The following PAK4 variants were observed in gnomAD, a reference collection of about 807,000 sequenced individuals.
PAK4 encodes the protein p21 (RAC1) activated kinase 4, also known as serine/threonine-protein kinase PAK 4.
A neutral mutation model predicts 53.5 loss-of-function variants in PAK4; 49 were observed. The observed-to-expected ratio is 0.92, with a 90% confidence interval of 0.73 to 1.16. The LOEUF is 1.16. PAK4 is among the 50% of genes most tolerant of loss of function. PAK4 has a pLI of 0.00. For synonymous variants in PAK4, 376 were observed against 375.6 expected (o/e 1.00, Z -0.01); for missense variants, 824 against 850.7 (o/e 0.97, Z 0.39).
At position 39,135,324 on chromosome 19, in the gene PAK4, C is replaced by CTTTTTT. The variant is rs559171888; in HGVS notation, c.-23+9429_-23+9434dup. The stretch of plus-strand genomic sequence containing the variant: ...TGTGGACAGGAGTCAAGTGCTTATT[C>CTTTTTT]TTTTTTTTTTTTTTTTTTTTTTTTT... On this transcript the variant is annotated intron_variant, in intron 1 of 8. Coordinates refer to ENST00000358301, the Ensembl canonical transcript of PAK4. 2.1e-3 allele frequency: 182 copies of CTTTTTT among 88,368 alleles called. 1 individual carries two copies. Among genetic ancestry groups the CTTTTTT allele is most frequent in the African/African-American group, 2.3e-3 (48 of 20,436 alleles). The allele number at this position is 88,368 out of a possible 1,614,324, so 5.5% of individuals were successfully genotyped here. A position where few individuals can be genotyped will look rare whatever the true frequency, so the allele number is the denominator to read the frequency against.
chr19:39,157,949 C>T (rs992891841), intron 1 of PAK4, among the ~76,000 whole-genome samples: 9 of 152,268 alleles, frequency 5.9e-5, no homozygotes, highest in East Asian at 5.8e-4. Context: ...GTGTCAGCTG[C>T]GGACATCTTG....
Position 39,178,536 on chromosome 19 carries a change from C to CT in PAK4, c.1734dup (p.Ala579CysfsTer60). On this transcript the variant is annotated frameshift_variant, in exon 9 of 9. Coordinates refer to ENST00000358301, the Ensembl canonical transcript of PAK4. LOFTEE classifies it high-confidence loss of function. This position sits in a 1 kb window ranked among gnomAD's most constrained non-coding sequence, Gnocchi z 4.4. ...CCATTCCTGGCCAAGGCAGGGCCGC[C>CT]TGCCAGCATCGTGCCCCTCATGCGC... 6.2e-7 allele frequency: 1 copy of CT among 1,610,794 alleles called. No individual in the cohort carries two copies. Among genetic ancestry groups the CT allele is most frequent in the Non-Finnish European group, 8.5e-7 (1 of 1,178,938 alleles).
Position 39,175,437 on chromosome 19 carries a change from G to C in PAK4, c.1358G>C (p.Arg453Thr). The C allele has an allele frequency of 6.2e-7, 1 of 1,610,554 alleles. No homozygotes were observed. Among genetic ancestry groups the C allele is most frequent in the Non-Finnish European group, 8.5e-7 (1 of 1,178,726 alleles). The change falls in exon 6 of 9, where the codon AGG becomes ACG. Residue 453 changes from arginine to threonine, a missense_variant and splice_region_variant. Physicochemically the swap from Arg to Thr is moderately conservative, Grantham distance 71 (BLOSUM62 -1). This residue lies in a region of PAK4 where 346 missense variants were observed against 415.0 expected (regional missense o/e 0.83). Coordinates refer to ENST00000358301, the Ensembl canonical transcript of PAK4. The surrounding 1 kb of genome is among the most constrained non-coding windows in gnomAD (Gnocchi z 4.7). Reference sequence around the variant, plus strand: ...TCGATCCTGCTGACCCATGATGGCAGGGTGAGGGGACGGGCGGCGGGGTAC... The same window carrying C: ...TCGATCCTGCTGACCCATGATGGCACGGTGAGGGGACGGGCGGCGGGGTAC...
chr19:39,173,907 C>T lies in PAK4; in HGVS notation c.995C>T (p.Thr332Met), dbSNP rs1009820145. Residue 332 changes from threonine (T) to methionine (M), a missense_variant, in exon 4 of 9, where the codon ACG becomes ATG. Thr to Met is a moderately conservative substitution (Grantham distance 81). Around this residue, in one of 2 missense-constraint regions of PAK4, gnomAD observed 346 missense variants for 415.0 expected, o/e 0.83. Coordinates refer to ENST00000358301, the Ensembl canonical transcript of PAK4. This position sits in a 1 kb window ranked among gnomAD's most constrained non-coding sequence, Gnocchi z 6.9. ...TTCATCAAGATTGGCGAGGGCTCCA[C>T]GGGCATCGTGTGCATCGCCACCGTG... is the stretch of plus-strand genomic sequence containing the variant. 1 of 1,612,148 alleles carries T rather than the reference C, an allele frequency of 6.2e-7. No homozygotes were observed. Among genetic ancestry groups the T allele is most frequent in the Non-Finnish European group, 8.5e-7 (1 of 1,179,640 alleles).
intron 1 of PAK4, among the ~76,000 whole-genome samples, chr19:39,144,854 C>G (rs868220395): frequency 6.6e-6 from 1 of 152,092 alleles, no homozygotes; most frequent in Non-Finnish European, 1.5e-5. Flanking sequence ...CAGGCACATG[C>G]AAATACAGAG....
chr19:39,139,700 C>CTGGAATGG (rs2073879294), intron 1 of PAK4, among the ~76,000 whole-genome samples: 1 of 152,172 alleles, frequency 6.6e-6, no homozygotes, highest in Admixed American at 6.5e-5. Flanking sequence ...CATCCTCCTG[C>CTGGAATGG]CCACTCCCCA....
exon 7 of PAK4, chr19:39,176,617 G>A (rs1244064390): frequency 3.1e-6 from 5 of 1,613,730 alleles, no homozygotes; most frequent in South Asian, 1.1e-5. Context: ...TGGGTTCTGC[G>A]CCCAGGTGAG....
intron 1 of PAK4, among the ~76,000 whole-genome samples, chr19:39,154,089 C>G (rs2074136987): frequency 6.6e-6 from 1 of 152,116 alleles, no homozygotes; most frequent in African/African-American, 2.4e-5. Context: ...CATTCATTCT[C>G]CCTATCATGT....
rs900163548 is a variant in PAK4, at chr19:39,178,198, C to G, written c.1621-226C>G. Among the ~76,000 whole-genome samples, 6 of 152,106 alleles carry G rather than the reference C, an allele frequency of 3.9e-5. No homozygotes were observed. The highest frequency in any genetic ancestry group is 3.9e-4 in the Admixed American group (6 of 15,274). ...ATGGAAATAGGGAGTACATGAGCCC[C>G]CAGGGTTTGTCACTTCCTCTGGGGC... On this transcript the variant is annotated intron_variant, in intron 8 of 8. Coordinates refer to ENST00000358301, the Ensembl canonical transcript of PAK4. The surrounding 1 kb of genome is among the most constrained non-coding windows in gnomAD (Gnocchi z 4.4).
At chr19:39,157,340 C>G (rs2074202722) in intron 1 of PAK4, among the ~76,000 whole-genome samples, 1 of 152,110 alleles carries the variant, frequency 6.6e-6, no homozygotes, top group Admixed American at 6.5e-5. Flanking sequence ...TGTGTGTATA[C>G]ACACGTGTCC....
intron 1 of PAK4, among the ~76,000 whole-genome samples, chr19:39,145,633 A>T (rs991169426): frequency 2.0e-5 from 3 of 152,124 alleles, no homozygotes; most frequent in African/African-American, 7.2e-5. Flanking sequence ...TACAGCCGTG[A>T]TGTGAAGGGG....
At chr19:39,164,372 G>A (rs1013339725) in intron 1 of PAK4, among the ~76,000 whole-genome samples, 2 of 152,212 alleles carry the variant, frequency 1.3e-5, no homozygotes, top group Admixed American at 6.5e-5. Flanking sequence ...AGAGACAGGT[G>A]TAGAGGGCGA....
intron 7 of PAK4, among the ~76,000 whole-genome samples, chr19:39,177,245 G>T (rs2074624275): frequency 6.6e-6 from 1 of 152,210 alleles, no homozygotes; most frequent in Non-Finnish European, 1.5e-5. Context: ...GCAGCTCTGG[G>T]AAGTGTCTCC....
At chr19:39,129,649 G>C (rs2073663421) in intron 1 of PAK4, among the ~76,000 whole-genome samples, 1 of 112,310 alleles carries the variant, frequency 8.9e-6, no homozygotes, top group East Asian at 2.9e-4. Context: ...CAGGCTGTTT[G>C]GAAACAGATG....
chr19:39,148,335 C>G (rs1411372425), intron 1 of PAK4, among the ~76,000 whole-genome samples: 1 of 151,802 alleles, frequency 6.6e-6, no homozygotes, highest in African/African-American at 2.4e-5. Context: ...TCTTTTAATA[C>G]TTTTCATACG....
intron 1 of PAK4, among the ~76,000 whole-genome samples, chr19:39,135,789 C>CCCCCG (rs1405565862): frequency 6.6e-6 from 1 of 151,694 alleles, no homozygotes; most frequent in Non-Finnish European, 1.5e-5. Context: ...GCTCCCGGCC[C>CCCCCG]CCATCTTCCC....
chr19:39,178,447 C>T lies in PAK4; in HGVS notation c.1644C>T (p.Phe548=), dbSNP rs777597501. The stretch of plus-strand genomic sequence containing the variant: ...AGGTGTCGCCATCCCTGAAGGGCTT[C>T]CTGGACCGCCTGCTGGTGCGAGACC... The change falls in exon 9 of 9, where the codon TTC becomes TTT. Residue 548 remains phenylalanine, a synonymous_variant. Transcript: ENST00000358301. This position sits in a 1 kb window ranked among gnomAD's most constrained non-coding sequence, Gnocchi z 4.4. 2 of 1,594,558 alleles carry T rather than the reference C, an allele frequency of 1.3e-6. No individual in the cohort carries two copies. Among genetic ancestry groups the T allele is most frequent in the Non-Finnish European group, 1.7e-6 (2 of 1,171,536 alleles).
chr19:39,147,292 C>T lies in PAK4; in HGVS notation c.-23+21373C>T, dbSNP rs370291501. On this transcript the variant is annotated intron_variant, in intron 1 of 8. Coordinates refer to ENST00000358301, the Ensembl canonical transcript of PAK4. Reference sequence around the variant, plus strand: ...TGCACCCTTTTTGCATTGACTTTATCCCCTCAGCATGATTCTCTGGAGGTG... The same window carrying T: ...TGCACCCTTTTTGCATTGACTTTATTCCCTCAGCATGATTCTCTGGAGGTG... Among the ~76,000 whole-genome samples the T allele has an allele frequency of 3.9e-5, 6 of 152,178 alleles. No individual in the cohort carries two copies. In the East Asian group the frequency reaches 1.2e-3, roughly 29 times the overall value.
chr19:39,177,333 CT>C (rs1240582659), intron 7 of PAK4, among the ~76,000 whole-genome samples: 3 of 152,194 alleles, frequency 2.0e-5, no homozygotes, highest in African/African-American at 7.2e-5. Context: ...AGCCTGGGTC[CT>C]GTGCCTGTTT....
Sources: allele counts gnomAD v4.1 joint callset (sites outside exome capture counted in the v4.1 genomes callset), GRCh38; gene constraint gnomAD v4.1.1; regional missense constraint gnomAD v4.1.1; non-coding constraint Gnocchi (gnomAD v3.1); transcripts MANE v1.5; gene names NCBI Gene and HGNC (gene_info 2026-07-23, HGNC 2026-07-21).